CTNNA3: variants seen among roughly 807,000 people sequenced by gnomAD.
CTNNA3 encodes catenin alpha-3.
In CTNNA3, 76 loss-of-function variants were observed where a neutral mutation model predicts 95.7. The ratio of observed to expected loss-of-function variants is 0.79; its 90% confidence interval spans 0.66 to 0.96. The LOEUF (loss-of-function observed/expected upper bound fraction) is 0.96, where lower values mean the gene tolerates loss of function less well. Among genes scored for constraint, CTNNA3 ranks in the 40% least tolerant of loss-of-function variants. The probability of loss-of-function intolerance (pLI) is 0.00; values close to 1 mark genes in which losing one functional copy is unlikely to be tolerated. For missense variants in CTNNA3, 1,191 were observed against 1,089.8 expected (o/e 1.09, Z -1.31); for synonymous variants, 431 against 374.4 (o/e 1.15, Z -1.74).
intron 9 of CTNNA3, among the ~76,000 whole-genome samples, chr10:66,725,115 G>A (rs892886342): frequency 6.6e-6 from 1 of 152,102 alleles, no homozygotes; most frequent in Non-Finnish European, 1.5e-5. Context: ...ATTGTACTCT[G>A]CATTGTATAG....
chr10:67,254,487 C>G (rs773984053), intron 5 of CTNNA3, among the ~76,000 whole-genome samples: 1 of 152,144 alleles, frequency 6.6e-6, no homozygotes, highest in East Asian at 1.9e-4. Context: ...AGGATTGCTA[C>G]TACAGATGGC....
chr10:67,489,805 T>TATATATATATATATATATATATAC (rs927605119), intron 5 of CTNNA3, among the ~76,000 whole-genome samples: 70 of 148,940 alleles, frequency 4.7e-4, no homozygotes, highest in African/African-American at 1.6e-3. Flanking sequence ...TATATATATA[T>TATATATATATATATATATATATAC]ACACACATTA....
At chr10:65,925,999 G>T (rs997039672) in intron 17 of CTNNA3, among the ~76,000 whole-genome samples, 4 of 150,118 alleles carry the variant, frequency 2.7e-5, no homozygotes, top group African/African-American at 9.7e-5. Flanking sequence ...TATATAATCA[G>T]ACATCTTATA....
chr10:66,314,543 A>T (rs971976868), intron 12 of CTNNA3, among the ~76,000 whole-genome samples: 6 of 152,022 alleles, frequency 3.9e-5, no homozygotes, highest in African/African-American at 1.4e-4. Context: ...TATGGCAGAG[A>T]AAACTCTAAG....
At chr10:66,749,202 CAAAAAAAAAAAAAAA>C (rs35568730) in intron 9 of CTNNA3, among the ~76,000 whole-genome samples, 8 of 50,888 alleles carry the variant, frequency 1.6e-4, no homozygotes, top group South Asian at 1.1e-3. Context: ...AACTCCAACT[CAAAAAAAAAAAAAAA>C]AAAAAAAAAA....
At chr10:66,064,857 G>A (rs903367191) in intron 15 of CTNNA3, among the ~76,000 whole-genome samples, 1 of 151,946 alleles carries the variant, frequency 6.6e-6, no homozygotes, top group Non-Finnish European at 1.5e-5. Flanking sequence ...TTTATTCCTG[G>A]TTCCTTCTGA....
chr10:66,401,143 T>C (rs904624944), intron 11 of CTNNA3, among the ~76,000 whole-genome samples: 4 of 152,156 alleles, frequency 2.6e-5, no homozygotes, highest in African/African-American at 9.6e-5. Context: ...AACTTAGATA[T>C]AGTGTTAACC....
intron 10 of CTNNA3, among the ~76,000 whole-genome samples, chr10:66,608,562 G>A (rs945986445): frequency 1.3e-4 from 19 of 151,822 alleles, no homozygotes; most frequent in African/African-American, 3.4e-4. Context: ...CAGCACTACA[G>A]TAAAAAAACA....
intron 7 of CTNNA3, among the ~76,000 whole-genome samples, chr10:66,990,979 G>C (rs781477102): frequency 1.1e-4 from 16 of 152,104 alleles, no homozygotes; most frequent in Non-Finnish European, 2.1e-4. Flanking sequence ...AATCATGATG[G>C]CATGTATTGA....
intron 5 of CTNNA3, among the ~76,000 whole-genome samples, chr10:67,251,805 T>C (rs2132359932): frequency 6.6e-6 from 1 of 152,172 alleles, no homozygotes; most frequent in Admixed American, 6.5e-5. Context: ...ATTCAAGATT[T>C]GAGGAAGAGA....
rs184805621 is a variant in CTNNA3 at position 67,190,222 on chromosome 10, G to A, written c.844-9702C>T. ...TACATGTATTTGAGTGAACAATGTG[G>A]GATGAATCTATATATAATAGCTTGA... On this transcript the variant is annotated intron_variant, in intron 6 of 17. Coordinates refer to ENST00000433211, the MANE Select transcript of CTNNA3 (RefSeq NM_013266.4). Among the ~76,000 whole-genome samples the A allele has an allele frequency of 1.2e-3, 185 of 151,948 alleles. 2 individuals carry two copies. The highest frequency in any genetic ancestry group is 4.3e-3 in the African/African-American group (179 of 41,408).
intron 5 of CTNNA3, among the ~76,000 whole-genome samples, chr10:67,504,088 T>C (rs1436943812): frequency 6.8e-6 from 1 of 147,822 alleles, no homozygotes; most frequent in Non-Finnish European, 1.5e-5. Context: ...ACCCAGAAGG[T>C]GGAGCTTGCA....
chr10:66,441,926 G>C (rs2093378008), intron 11 of CTNNA3, among the ~76,000 whole-genome samples: 1 of 152,126 alleles, frequency 6.6e-6, no homozygotes, highest in Admixed American at 6.5e-5. Flanking sequence ...ATCTAAAATA[G>C]AAACTCTTGC....
intron 10 of CTNNA3, among the ~76,000 whole-genome samples, chr10:66,613,200 T>TA (rs1844388465): frequency 6.6e-6 from 1 of 152,230 alleles, no homozygotes; most frequent in South Asian, 2.1e-4. Context: ...TCTAATTTTT[T>TA]ACCCCACTTT....
intron 10 of CTNNA3, among the ~76,000 whole-genome samples, chr10:66,522,961 G>A (rs934077218): frequency 6.6e-6 from 1 of 151,946 alleles, no homozygotes; most frequent in Non-Finnish European, 1.5e-5. Context: ...CCACATTATT[G>A]GAGGTAGAAG....
intron 1 of CTNNA3, among the ~76,000 whole-genome samples, chr10:67,653,405 CATCTTT>C (rs1839932169): frequency 1.3e-5 from 2 of 152,170 alleles, no homozygotes; most frequent in South Asian, 4.1e-4. Context: ...TCCCTCTTCT[CATCTTT>C]AATTCATATT....
At chr10:67,517,197 A>G (rs1839843337) in intron 5 of CTNNA3, among the ~76,000 whole-genome samples, 1 of 152,084 alleles carries the variant, frequency 6.6e-6, no homozygotes, top group African/African-American at 2.4e-5. Flanking sequence ...AAATGACTGT[A>G]CCAATTTACA....
chr10:66,865,999 T>C (rs994107705), intron 7 of CTNNA3, among the ~76,000 whole-genome samples: 3 of 152,172 alleles, frequency 2.0e-5, no homozygotes, highest in African/African-American at 4.8e-5. Flanking sequence ...CTTAATTGCC[T>C]ATACCTAAAT....
chr10:67,336,590 T>C (rs533674043), intron 5 of CTNNA3, among the ~76,000 whole-genome samples: 2 of 152,270 alleles, frequency 1.3e-5, no homozygotes, highest in Admixed American at 1.3e-4. Flanking sequence ...AAACACCCTT[T>C]TAGTAGAAGA....
Sources: gnomAD v4.1 joint callset for allele counts (sites outside exome capture counted in the v4.1 genomes callset) on GRCh38, gnomAD v4.1.1 for gene constraint, MANE v1.5 for transcripts, NCBI Gene and HGNC (gene_info 2026-07-23, HGNC 2026-07-21) for gene names.